Variants in PTCD1 observed in about 807,000 individuals in gnomAD.
The protein encoded by PTCD1 is pentatricopeptide repeat domain 1.
A neutral mutation model predicts 53.4 loss-of-function variants in PTCD1; 50 were observed. That is an observed-to-expected ratio of 0.94 (90% CI 0.75 to 1.19). The LOEUF (loss-of-function observed/expected upper bound fraction) is 1.19. Ranked by LOEUF, PTCD1 falls within the 50% of genes most tolerant of loss-of-function variation. PTCD1 has a pLI of 0.00. For synonymous variants in PTCD1, 413 were observed against 394.8 expected, an observed-to-expected ratio of 1.05 and a Z score of -0.55; for missense variants, 918 against 904.8, an observed-to-expected ratio of 1.01 and a Z score of -0.19.
intron 5 of PTCD1, 93 bp downstream of exon 5, chr7:99,429,010 A>T (rs1796161118): frequency 7.0e-7 from 1 of 1,422,202 alleles, no homozygotes; most frequent in African/African-American, 1.4e-5. Flanking sequence ...AAAAATACTC[A>T]GCACAGGGCC....
Position 99,432,782 on chromosome 7 carries a change from C to T in PTCD1, c.594+496G>A, listed in dbSNP as rs1013785873. 8.4e-5 allele frequency: 17 copies of T among 202,904 alleles called. No individual in the cohort carries two copies. The South Asian group carries it at 1.3e-3, about 16-fold the overall frequency. The allele number at this position is 202,904 out of a possible 1,614,324, so 12.6% of individuals were successfully genotyped here. On this transcript the variant is annotated intron_variant, in intron 3 of 7. Transcript: ENST00000292478. ...CTGGCCCCCTTCAGAGGAGCAGATG[C>T]GGTGGCTGGGCTGTGACCTGTAATC...
At chr7:99,436,056 C>T (rs537678295) in intron 1 of PTCD1, among the ~76,000 whole-genome samples, 1 of 152,126 alleles carries the variant, frequency 6.6e-6, no homozygotes, top group Non-Finnish European at 1.5e-5. Flanking sequence ...AGCGATCCTC[C>T]CATTTCAGCC....
At chr7:99,432,592 C>T (rs764990460) in intron 3 of PTCD1, among the ~76,000 whole-genome samples, 3 of 148,906 alleles carry the variant, frequency 2.0e-5, no homozygotes. Context: ...CTGCGCAGCG[C>T]AGGTCCTCCG....
At chr7:99,421,012 CG>C (rs1795790588) in intron 7 of PTCD1, among the ~76,000 whole-genome samples, 1 of 152,048 alleles carries the variant, frequency 6.6e-6, no homozygotes, top group South Asian at 2.1e-4. Flanking sequence ...CTTAAGGTGC[CG>C]GATAGAGCCT....
chr7:99,431,432 A>G (rs1297174139), intron 3 of PTCD1, among the ~76,000 whole-genome samples: 1 of 151,794 alleles, frequency 6.6e-6, no homozygotes, highest in Non-Finnish European at 1.5e-5. Flanking sequence ...CTGGCCAAAA[A>G]TAATAGTTTT....
At chr7:99,423,993 G>C (rs753481422) in intron 6 of PTCD1, 36 bp from the exon 7 acceptor site, 3 of 1,606,256 alleles carry the variant, frequency 1.9e-6, no homozygotes, top group African/African-American at 2.7e-5. Context: ...CAAGATGATG[G>C]CAGCCATTGG....
intron 3 of PTCD1, 150 bp from the exon 4 acceptor site, chr7:99,429,956 C>A: frequency 9.9e-7 from 1 of 1,006,646 alleles, no homozygotes. Context: ...ACATCAGAGC[C>A]CAGCTCTCCA....
At position 99,438,508 on chromosome 7, in the gene PTCD1, C is replaced by A. The variant is rs189786292; in HGVS notation, c.-27+184G>T. 2.6e-3 allele frequency: 2,856 copies of A among 1,113,684 alleles called. 23 individuals carry two copies. The African/African-American group carries it at 0.037, about 15-fold the overall frequency. 69.0% of individuals were successfully genotyped at this position (1,113,684 alleles called of 1,614,324 possible). A position where few individuals can be genotyped will look rare whatever the true frequency, so the allele number is the denominator to read the frequency against. On this transcript the variant is annotated intron_variant, in intron 1 of 7. Transcript: ENST00000292478. The stretch of plus-strand genomic sequence containing the variant: ...GGCCGTCCTTCCTCGGAGAGACCCG[C>A]CCCTCCTCAGAGGCCCACCCGGACC...
intron 1 of PTCD1, 190 bp downstream of exon 1, chr7:99,438,502 G>A (rs1036103321): frequency 9.0e-7 from 1 of 1,110,242 alleles, no homozygotes; most frequent in African/African-American, 1.7e-5. Flanking sequence ...TCCTCGGAGA[G>A]ACCCGCCCCT....
intron 3 of PTCD1, 50 bp downstream of exon 3, chr7:99,433,228 G>GC: frequency 6.2e-7 from 1 of 1,613,784 alleles, no homozygotes; most frequent in Admixed American, 1.7e-5. Flanking sequence ...CTTGGGATCC[G>GC]CCCCCAGCTT....
Position 99,419,619 on chromosome 7 carries a change from C to A in PTCD1, c.*348G>T. 2 of 824,872 alleles carry A rather than the reference C, an allele frequency of 2.4e-6. No homozygotes were observed. The highest frequency in any genetic ancestry group is 3.7e-6 in the Non-Finnish European group (2 of 536,534). The allele number at this position is 824,872 out of a possible 1,614,324, so 51.1% of individuals were successfully genotyped here. ...AATAAAATCTTTAAATCTCTCGAGC[C>A]CCACGTCTCTTCTTTCAGAGCATCG... On this transcript the variant is annotated 3_prime_UTR_variant, in exon 8 of 8. Transcript: ENST00000292478.
chr7:99,421,114 G>A (rs1795794218), intron 7 of PTCD1, among the ~76,000 whole-genome samples: 1 of 152,108 alleles, frequency 6.6e-6, no homozygotes, highest in Non-Finnish European at 1.5e-5. Flanking sequence ...CCTGACAGCA[G>A]GGTTCCGCCC....
At position 99,433,431 on chromosome 7, in the gene PTCD1, G is replaced by A. The variant is rs755794252; in HGVS notation, c.454-13C>T. ...GGGCTTCAACCAGCTGCAGGGAAGA[G>A]GCAACAGGGCAGGGGCTCAGAATGG... is the stretch of plus-strand genomic sequence containing the variant. On this transcript the variant is annotated splice_polypyrimidine_tract_variant and intron_variant, in intron 2 of 7. Transcript: ENST00000292478. 3 of 1,614,090 alleles carry A rather than the reference G, an allele frequency of 1.9e-6. No individual in the cohort carries two copies. Among genetic ancestry groups the A allele is most frequent in the South Asian group, 2.2e-5 (2 of 91,068 alleles).
intron 4 of PTCD1, 119 bp from the exon 5 acceptor site, chr7:99,429,323 GTT>G: frequency 1.5e-6 from 2 of 1,342,380 alleles, no homozygotes; most frequent in Non-Finnish European, 2.1e-6. Flanking sequence ...GAGGCCAGGA[GTT>G]TTGTGACCAG....
Position 99,417,458 on chromosome 7 carries a change from T to C in PTCD1, c.*2509A>G, listed in dbSNP as rs767499344. 3 of 1,613,242 alleles carry C rather than the reference T, an allele frequency of 1.9e-6. No homozygotes were observed. Among genetic ancestry groups the C allele is most frequent in the Non-Finnish European group, 2.5e-6 (3 of 1,179,734 alleles). On this transcript the variant is annotated 3_prime_UTR_variant, in exon 8 of 8. Transcript: ENST00000292478. ...CTATGAATATTGTATTAAAGAAGGC[T>C]ATGCAGACAAAAACCTGATTGCAAA...
At chr7:99,426,774 C>A (rs963095362) in intron 5 of PTCD1, among the ~76,000 whole-genome samples, 1 of 149,618 alleles carries the variant, frequency 6.7e-6, no homozygotes, top group African/African-American at 2.5e-5. Context: ...AAGTGAGGAG[C>A]ATCTCTGCCC....
intron 5 of PTCD1, among the ~76,000 whole-genome samples, chr7:99,426,639 C>T (rs371128309): frequency 1.2e-4 from 18 of 149,262 alleles, no homozygotes; most frequent in African/African-American, 4.0e-4. Flanking sequence ...GGCCGCCCAT[C>T]GTCTGGGATG....
chr7:99,435,303 C>G, intron 1 of PTCD1, 35 bp from the exon 2 acceptor site: 1 of 1,597,922 alleles, frequency 6.3e-7, no homozygotes, highest in Non-Finnish European at 8.5e-7. Flanking sequence ...AGAGTCAACT[C>G]AGTTCCTAGT....
At chr7:99,428,506 C>T (rs1473127518) in intron 5 of PTCD1, among the ~76,000 whole-genome samples, 1 of 151,868 alleles carries the variant, frequency 6.6e-6, no homozygotes, top group African/African-American at 2.4e-5. Context: ...CTTTGGGAGG[C>T]CCAGGCGGGC....
Sources: gnomAD v4.1 joint callset for allele counts (sites outside exome capture counted in the v4.1 genomes callset) on GRCh38, gnomAD v4.1.1 for gene constraint, MANE v1.5 for transcripts, NCBI Gene and HGNC (gene_info 2026-07-23, HGNC 2026-07-21) for gene names.